The following SGMS2 variants were observed in gnomAD, a reference collection of about 807,000 sequenced individuals.
SGMS2 encodes phosphatidylcholine:ceramide cholinephosphotransferase 2.
A neutral mutation model predicts 43.8 loss-of-function variants in SGMS2; 21 were observed. The observed-to-expected ratio is 0.48, with a 90% CI of 0.34 to 0.69. SGMS2 has a LOEUF of 0.69. Ranked by LOEUF, SGMS2 falls within the 30% of genes least tolerant of loss-of-function variation. The probability of loss-of-function intolerance (pLI) is 0.01; values close to 1 mark genes in which losing one functional copy is unlikely to be tolerated. For synonymous variants in SGMS2, 167 were observed against 160.6 expected, an observed-to-expected ratio of 1.04 and a Z score of -0.30; for missense variants, 384 against 443.2, an observed-to-expected ratio of 0.87 and a Z score of 1.20.
At chr4:107,888,902 A>G (rs540107917) in intron 2 of SGMS2, among the ~76,000 whole-genome samples, 1 of 152,184 alleles carries the variant, frequency 6.6e-6, no homozygotes, top group Non-Finnish European at 1.5e-5. Context: ...TTGTTTATGT[A>G]GATTATTTAT....
Position 107,833,552 on chromosome 4 carries a change from T to C in SGMS2, c.-327+8299T>C, listed in dbSNP as rs146375958. 4.8e-3 allele frequency among the ~76,000 whole-genome samples: 738 copies of C among 152,312 alleles called. 5 individuals are homozygous for C. The highest frequency in any genetic ancestry group is 0.017 in the African/African-American group (704 of 41,568). ...GGTCGTAGTTAAAACAGTCAAAACT[T>C]TGTTTCATGCACAAAATTATTTAGA... On this transcript the variant is annotated intron_variant, in intron 1 of 6. Transcript: ENST00000690982.
intron 3 of SGMS2, among the ~76,000 whole-genome samples, chr4:107,897,865 G>T (rs1489192430): frequency 1.3e-5 from 2 of 152,108 alleles, no homozygotes; most frequent in Non-Finnish European, 2.9e-5. Context: ...TCTTTTAAAA[G>T]CACCTTTCAA....
intron 1 of SGMS2, among the ~76,000 whole-genome samples, chr4:107,829,180 A>G (rs983918409): frequency 1.3e-5 from 2 of 152,198 alleles, no homozygotes; most frequent in African/African-American, 4.8e-5. Flanking sequence ...AAAACATTAC[A>G]CATTTGTTGT....
chr4:107,899,241 G>A (rs1428418039), intron 3 of SGMS2, among the ~76,000 whole-genome samples: 1 of 152,130 alleles, frequency 6.6e-6, no homozygotes, highest in East Asian at 1.9e-4. Flanking sequence ...TCATTCTCTG[G>A]CAAAGAGTGC....
chr4:107,895,898 CA>C lies in SGMS2; in HGVS notation c.347del (p.Lys116SerfsTer9). The stretch of plus-strand genomic sequence containing the variant: ...AGGAGCTTAGCCCTCCACTCCCAGA[CA>C]AGTTTTTTGATTACATTGATAGGGT... The part of the protein sequence containing the change: ...PKELSPPLPD[K>X]FFDYIDRVKW... On this transcript the variant is annotated frameshift_variant, in exon 3 of 7. Coordinates refer to ENST00000690982, the MANE Select transcript of SGMS2 (RefSeq NM_001375905.1). LOFTEE classifies it high-confidence loss of function. 6.2e-7 allele frequency: 1 copy of C among 1,613,902 alleles called. No homozygotes were observed. The highest frequency in any genetic ancestry group is 8.5e-7 in the Non-Finnish European group (1 of 1,179,926).
rs1732141530 is a variant in SGMS2, at chr4:107,911,750, C to T, written c.*1197C>T. The T allele has an allele frequency of 6.6e-6, 1 of 152,060 alleles. No individual in the cohort carries two copies. Among genetic ancestry groups the T allele is most frequent in the East Asian group, 1.9e-4 (1 of 5,192 alleles). 9.4% of individuals were successfully genotyped at this position (152,060 alleles called of 1,614,324 possible). A position where few individuals can be genotyped will look rare whatever the true frequency, so the allele number is the denominator to read the frequency against. Reference sequence around the variant, plus strand: ...CTCGGAATCAGTGTGTTAGTTACAGCTATACAGTGAAGGGGGATAACTGTT... The same window carrying T: ...CTCGGAATCAGTGTGTTAGTTACAGTTATACAGTGAAGGGGGATAACTGTT... On this transcript the variant is annotated 3_prime_UTR_variant, in exon 7 of 7. Coordinates refer to ENST00000690982, the MANE Select transcript of SGMS2 (RefSeq NM_001375905.1).
chr4:107,857,535 T>C (rs925599110), intron 1 of SGMS2, among the ~76,000 whole-genome samples: 2 of 141,044 alleles, frequency 1.4e-5, no homozygotes, highest in Admixed American at 6.8e-5. Context: ...TTAAAAGATA[T>C]ATATATATAT....
intron 1 of SGMS2, among the ~76,000 whole-genome samples, chr4:107,858,014 C>G (rs899192894): frequency 4.6e-5 from 7 of 151,986 alleles, no homozygotes; most frequent in East Asian, 1.9e-4. Flanking sequence ...TGCCCCACCC[C>G]CCCCATCCCC....
intron 3 of SGMS2, among the ~76,000 whole-genome samples, chr4:107,896,485 A>G (rs1207217555): frequency 1.3e-5 from 2 of 152,136 alleles, no homozygotes; most frequent in East Asian, 3.9e-4. Context: ...GCCTAGATTC[A>G]ATTCTCAAAT....
chr4:107,913,876 T>G lies in SGMS2; in HGVS notation c.*3323T>G, dbSNP rs189226637. 33 of 152,304 alleles carry G rather than the reference T, an allele frequency of 2.2e-4. No homozygotes were observed. The East Asian group carries it at 5.0e-3, about 23-fold the overall frequency. The allele number at this position is 152,304 out of a possible 1,614,324, so 9.4% of individuals were successfully genotyped here. The stretch of plus-strand genomic sequence containing the variant: ...AGTTGAAAGTTCACATCTTGCCCCT[T>G]GAATAGTTTGAACATTTCTTTCTTA... On this transcript the variant is annotated 3_prime_UTR_variant, in exon 7 of 7. Coordinates refer to ENST00000690982, the MANE Select transcript of SGMS2 (RefSeq NM_001375905.1).
rs907553300 is a variant in SGMS2, at chr4:107,910,744, A to G, written c.*191A>G. On this transcript the variant is annotated 3_prime_UTR_variant, in exon 7 of 7. Coordinates refer to ENST00000690982, the MANE Select transcript of SGMS2 (RefSeq NM_001375905.1). The stretch of plus-strand genomic sequence containing the variant: ...TTCTTCTTCATCCTGAGAAAGATAC[A>G]TTCTCTTGCAGCTCTTCATTCATTG... 1 of 575,764 alleles carries G rather than the reference A, an allele frequency of 1.7e-6. No individual in the cohort carries two copies. The highest frequency in any genetic ancestry group is 3.0e-6 in the Non-Finnish European group (1 of 330,766). 35.7% of individuals were successfully genotyped at this position (575,764 alleles called of 1,614,324 possible). A position where few individuals can be genotyped will look rare whatever the true frequency, so the allele number is the denominator to read the frequency against.
intron 2 of SGMS2, among the ~76,000 whole-genome samples, chr4:107,863,317 C>T (rs1385322287): frequency 6.6e-6 from 1 of 152,124 alleles, no homozygotes; most frequent in Non-Finnish European, 1.5e-5. Context: ...CTACCCTATA[C>T]AGTAGTTGTG....
chr4:107,864,647 G>A (rs73838253), intron 2 of SGMS2, among the ~76,000 whole-genome samples: 1,710 of 152,220 alleles, frequency 0.011, 33 homozygotes, highest in African/African-American at 0.039. Flanking sequence ...ATATATTAAG[G>A]TGTATAACAT....
At chr4:107,852,722 CTTA>C (rs1483551496) in intron 1 of SGMS2, among the ~76,000 whole-genome samples, 1 of 149,404 alleles carries the variant, frequency 6.7e-6, no homozygotes. Context: ...TAACATGTCT[CTTA>C]TTATTGGACA....
chr4:107,877,048 C>T (rs116811548), intron 2 of SGMS2, among the ~76,000 whole-genome samples: 2,061 of 152,006 alleles, frequency 0.014, 13 homozygotes, highest in Non-Finnish European at 0.021. Flanking sequence ...ACCCATAATC[C>T]CAGCATTTTA....
chr4:107,867,974 A>G (rs1485386276), intron 2 of SGMS2: 1 of 152,222 alleles, frequency 6.6e-6, no homozygotes, highest in East Asian at 1.9e-4. Flanking sequence ...CTTGGAAAAT[A>G]TTCCAATCTA....
intron 2 of SGMS2, among the ~76,000 whole-genome samples, chr4:107,860,756 C>T (rs1727687233): frequency 1.3e-5 from 2 of 152,104 alleles, no homozygotes; most frequent in Non-Finnish European, 2.9e-5. Flanking sequence ...AACTCCTGAC[C>T]TCAGGTAATC....
chr4:107,861,621 G>T (rs1432819946), intron 2 of SGMS2, among the ~76,000 whole-genome samples: 3 of 152,144 alleles, frequency 2.0e-5, no homozygotes, highest in African/African-American at 4.8e-5. Flanking sequence ...ATGGACTTTG[G>T]TGGAATTCAA....
chr4:107,875,713 T>C (rs777769893), intron 2 of SGMS2, among the ~76,000 whole-genome samples: 15 of 152,112 alleles, frequency 9.9e-5, no homozygotes, highest in Non-Finnish European at 2.2e-4. Context: ...AAGCAGAAAA[T>C]AGTATAGACT....
Sources: allele counts gnomAD v4.1 joint callset (sites outside exome capture counted in the v4.1 genomes callset), GRCh38; gene constraint gnomAD v4.1.1; transcripts MANE v1.5; gene names NCBI Gene and HGNC (gene_info 2026-07-23, HGNC 2026-07-21).